Variants in TANC1 observed in about 807,000 individuals in gnomAD.
The protein encoded by TANC1 is protein TANC1.
In TANC1, 77 loss-of-function variants were observed where a neutral mutation model predicts 149.7. The ratio of observed to expected loss-of-function variants is 0.51; its 90% CI spans 0.43 to 0.62. The LOEUF (loss-of-function observed/expected upper bound fraction) is 0.62. Among genes scored for constraint, TANC1 ranks in the 20% least tolerant of loss-of-function variants. The pLI, the probability that TANC1 is intolerant of heterozygous loss-of-function variation, is 0.00. For missense variants in TANC1, 1,985 were observed against 2,321.8 expected, an observed-to-expected ratio of 0.85 and a Z score of 2.98; for synonymous variants, 854 against 925.0, an observed-to-expected ratio of 0.92 and a Z score of 1.39.
In TANC1 at chr2:159,231,056, A is replaced by T; in HGVS notation, c.*44A>T. On this transcript the variant is annotated 3_prime_UTR_variant, in exon 27 of 27. Transcript: ENST00000263635. ...TTGTGGAATTTGGAAACGTGTGTTG[A>T]CTCCTGGTGGTAAATTAAATAGTTT... The T allele has an allele frequency of 7.0e-7, 1 of 1,427,150 alleles. No individual in the cohort carries two copies. 88.4% of individuals were successfully genotyped at this position (1,427,150 alleles called of 1,614,324 possible).
intron 16 of TANC1, among the ~76,000 whole-genome samples, chr2:159,191,222 C>A (rs1288866344): frequency 2.6e-5 from 4 of 152,142 alleles, no homozygotes; most frequent in African/African-American, 9.7e-5. Flanking sequence ...AGATGGCAGT[C>A]CCAGCAGTGT....
chr2:159,148,294 T>G (rs938150370), intron 5 of TANC1: 1 of 152,226 alleles, frequency 6.6e-6, no homozygotes, highest in Non-Finnish European at 1.5e-5. Flanking sequence ...ATCGTTTTAT[T>G]TATTGGCCAT....
chr2:159,134,291 G>A (rs1027325103), intron 4 of TANC1, among the ~76,000 whole-genome samples: 4 of 152,146 alleles, frequency 2.6e-5, no homozygotes, highest in African/African-American at 9.7e-5. Context: ...GGACCAAAAT[G>A]TAACAGAATA....
At chr2:159,124,267 C>G (rs2049158826) in intron 4 of TANC1, among the ~76,000 whole-genome samples, 1 of 152,112 alleles carries the variant, frequency 6.6e-6, no homozygotes, top group African/African-American at 2.4e-5. Context: ...TCACTTGAAC[C>G]TGGGAGGCAG....
chr2:159,196,264 A>G (rs1028162986), intron 17 of TANC1, among the ~76,000 whole-genome samples: 1 of 152,084 alleles, frequency 6.6e-6, no homozygotes, highest in African/African-American at 2.4e-5. Flanking sequence ...CAAGCAACCA[A>G]AGTTGGGAAA....
At chr2:159,189,414 T>C (rs2057276021) in intron 16 of TANC1, among the ~76,000 whole-genome samples, 2 of 152,212 alleles carry the variant, frequency 1.3e-5, no homozygotes. Context: ...CTCCCTCCTG[T>C]GCCTTCCAGA....
chr2:159,045,266 C>A (rs371473940), intron 2 of TANC1, among the ~76,000 whole-genome samples: 44 of 152,122 alleles, frequency 2.9e-4, no homozygotes, highest in African/African-American at 1.0e-3. Context: ...CCTGTCTGTA[C>A]TAAAAATACA....
chr2:159,222,706 C>T (rs1278816442), intron 22 of TANC1, among the ~76,000 whole-genome samples: 2 of 152,090 alleles, frequency 1.3e-5, no homozygotes, highest in Non-Finnish European at 2.9e-5. Context: ...ATGTGGGTGT[C>T]CAAGTATTTA....
rs35745470 is a variant in TANC1, at chr2:159,146,536, CTTT to C, written c.365-2587_365-2585del. Among the ~76,000 whole-genome samples the C allele has an allele frequency of 6.4e-3, 502 of 78,366 alleles. 4 individuals carry two copies. Among genetic ancestry groups the C allele is most frequent in the African/African-American group, 0.021 (440 of 21,282 alleles). The allele number at this position is 78,366 out of a possible 152,430, so 51.4% of individuals were successfully genotyped here. A position where few individuals can be genotyped will look rare whatever the true frequency, so the allele number is the denominator to read the frequency against. On this transcript the variant is annotated intron_variant, in intron 5 of 26. Coordinates refer to ENST00000263635, the MANE Select transcript of TANC1 (RefSeq NM_033394.3). ...ATCATGAATTTGGGTGTCCCTTTTCCTTTTTTTTTTTTTTTTTTTTTGGAGACA... is the reference window on the plus strand; with the variant it reads ...ATCATGAATTTGGGTGTCCCTTTTCCTTTTTTTTTTTTTTTTTTGGAGACA...
At chr2:159,058,678 G>C (rs1049722431) in intron 2 of TANC1, among the ~76,000 whole-genome samples, 1 of 152,150 alleles carries the variant, frequency 6.6e-6, no homozygotes, top group African/African-American at 2.4e-5. Flanking sequence ...CCCTTTACAG[G>C]TATATGAAGA....
chr2:159,141,856 A>G (rs1474703328), intron 5 of TANC1, among the ~76,000 whole-genome samples: 1 of 152,206 alleles, frequency 6.6e-6, no homozygotes, highest in Non-Finnish European at 1.5e-5. Context: ...TATTCTGGTA[A>G]TCATGGATTT....
At chr2:158,981,721 G>A (rs1194615155) in intron 1 of TANC1, among the ~76,000 whole-genome samples, 1 of 151,080 alleles carries the variant, frequency 6.6e-6, no homozygotes, top group African/African-American at 2.4e-5. Context: ...AAGTGGCCTG[G>A]GTGTTAAACG....
In TANC1 at chr2:159,219,369, C is replaced by T. The variant is rs368301790; in HGVS notation, c.3502+8C>T. The T allele has an allele frequency of 1.5e-5, 23 of 1,585,486 alleles. No homozygotes were observed. The highest frequency in any genetic ancestry group is 1.8e-5 in the Non-Finnish European group (21 of 1,159,604). ...AATTCCTCCTTTCAAAAGGTAGCAG[C>T]GTGATGCCCTCAAAGGTTTCTTTTG... On this transcript the variant is annotated splice_region_variant and intron_variant, in intron 21 of 26. Transcript: ENST00000263635.
At chr2:159,169,902 A>G (rs1450814456) in intron 9 of TANC1, among the ~76,000 whole-genome samples, 2 of 151,988 alleles carry the variant, frequency 1.3e-5, no homozygotes, top group African/African-American at 4.8e-5. Flanking sequence ...CTGAGGTAGG[A>G]GAATTATTTG....
chr2:159,015,349 A>G lies in TANC1; in HGVS notation c.-16+14160A>G, dbSNP rs966352649. On this transcript the variant is annotated intron_variant, in intron 2 of 26. Transcript: ENST00000263635. ...GGAGTGGCTTGGACACAGGGCAACA[A>G]CTCCCTAGGCTGCCCACAGCATGAA... 4.9e-4 allele frequency among the ~76,000 whole-genome samples: 74 copies of G among 151,904 alleles called. 1 individual carries two copies. Among genetic ancestry groups the G allele is most frequent in the Non-Finnish European group, 2.9e-5 (2 of 67,954 alleles).
intron 1 of TANC1, among the ~76,000 whole-genome samples, chr2:158,989,343 C>T (rs900247989): frequency 5.3e-5 from 8 of 152,124 alleles, no homozygotes; most frequent in Admixed American, 3.9e-4. Flanking sequence ...CAGTGGCTCA[C>T]GCCTGCAGTC....
intron 4 of TANC1, among the ~76,000 whole-genome samples, chr2:159,132,829 A>G (rs914324132): frequency 3.9e-5 from 6 of 151,972 alleles, no homozygotes; most frequent in Admixed American, 3.9e-4. Context: ...TGCCCAACTC[A>G]TGAGTCCCTG....
At chr2:159,045,506 G>A (rs767920123) in intron 2 of TANC1, among the ~76,000 whole-genome samples, 18 of 152,050 alleles carry the variant, frequency 1.2e-4, no homozygotes, top group East Asian at 1.9e-4. Flanking sequence ...CAGAAGATCC[G>A]AAGAAATTGT....
At chr2:159,224,117 T>C in intron 22 of TANC1, 115 bp from the exon 23 acceptor site, 1 of 1,222,656 alleles carries the variant, frequency 8.2e-7, no homozygotes, top group Admixed American at 2.0e-5. Context: ...CTAGGATCCT[T>C]AATAGGCAGA....
Sources: gnomAD v4.1 joint callset for allele counts (sites outside exome capture counted in the v4.1 genomes callset) on GRCh38, gnomAD v4.1.1 for gene constraint, MANE v1.5 for transcripts, NCBI Gene and HGNC (gene_info 2026-07-23, HGNC 2026-07-21) for gene names.